The following PUM1 variants were observed in gnomAD, a reference collection of about 807,000 sequenced individuals.
The protein encoded by PUM1 is pumilio homolog 1.
A neutral mutation model predicts 131.8 loss-of-function variants in PUM1; 13 were observed. The observed-to-expected ratio is 0.10, with a 90% confidence interval of 0.06 to 0.16. The LOEUF (loss-of-function observed/expected upper bound fraction) is 0.16, where lower values mean the gene tolerates loss of function less well. Among genes scored for constraint, PUM1 ranks in the 10% least tolerant of loss-of-function variants. The probability of loss-of-function intolerance (pLI) is 1.00; values close to 1 mark genes in which losing one functional copy is unlikely to be tolerated. For missense variants in PUM1, 961 were observed against 1,512.4 expected, an observed-to-expected ratio of 0.64 and a Z score of 6.05; for synonymous variants, 509 against 556.5, an observed-to-expected ratio of 0.91 and a Z score of 1.20.
At chr1:30,940,406 G>A (rs980642859) in intron 20 of PUM1, among the ~76,000 whole-genome samples, 7 of 152,184 alleles carry the variant, frequency 4.6e-5, no homozygotes, top group African/African-American at 1.4e-4. Flanking sequence ...AGCCTGAGAG[G>A]TGGAGCTTGC....
intron 3 of PUM1, among the ~76,000 whole-genome samples, chr1:31,012,201 GT>G (rs1361672557): frequency 1.0e-5 from 1 of 96,464 alleles, no homozygotes. Context: ...TCTAAGAGTT[GT>G]TTTTTTTCCT....
intron 3 of PUM1, among the ~76,000 whole-genome samples, chr1:31,008,489 T>C (rs771400284): frequency 6.6e-6 from 1 of 152,142 alleles, no homozygotes; most frequent in Non-Finnish European, 1.5e-5. Flanking sequence ...CTTCCTGGTG[T>C]ACCACTTATT....
chr1:31,055,970 T>C (rs1644225519), intron 2 of PUM1, among the ~76,000 whole-genome samples: 2 of 152,198 alleles, frequency 1.3e-5, no homozygotes, highest in Admixed American at 1.3e-4. Flanking sequence ...ATGTTTATGA[T>C]TTTTGAATAA....
rs746559654 is a variant in PUM1, at chr1:30,992,406, T to A, written c.1142A>T (p.Tyr381Phe). Residue 381 changes from tyrosine to phenylalanine, a missense_variant, in exon 7 of 22, where the codon TAC becomes TTC. Coordinates refer to ENST00000426105, the MANE Select transcript of PUM1 (RefSeq NM_001020658.2). ...SAAATVGLFD[Y>F]NSQQQLFQRP... ...ACACAGTACCTGTTGTTGAGAATTG[T>A]AGTCAAAAAGTCCCACAGTTGCTGC... 3.1e-6 allele frequency: 5 copies of A among 1,613,972 alleles called. No individual in the cohort carries two copies.
intron 13 of PUM1, 85 bp from the exon 14 acceptor site, chr1:30,964,995 C>A (rs903861266): frequency 1.5e-5 from 17 of 1,158,012 alleles, no homozygotes; most frequent in Non-Finnish European, 1.9e-5. Context: ...ACACTTTGAT[C>A]CAGACTCCTT....
intron 2 of PUM1, among the ~76,000 whole-genome samples, chr1:31,042,544 A>G (rs1643855187): frequency 6.6e-6 from 1 of 152,198 alleles, no homozygotes. Context: ...GAAATGTGTA[A>G]ACCATCTGCT....
chr1:30,936,625 C>T lies in PUM1; in HGVS notation c.3435+18G>A, dbSNP rs1391405560. 1 of 1,602,076 alleles carries T rather than the reference C, an allele frequency of 6.2e-7. No homozygotes were observed. Among genetic ancestry groups the T allele is most frequent in the South Asian group, 1.1e-5 (1 of 89,496 alleles). ...GGCCTTGCACACTTTCTCTGAGACCCTGCCCAGCCCGGCCTACCTTATGCA... is the reference window on the plus strand; with the variant it reads ...GGCCTTGCACACTTTCTCTGAGACCTTGCCCAGCCCGGCCTACCTTATGCA... On this transcript the variant is annotated intron_variant, in intron 21 of 21. Transcript: ENST00000426105.
intron 9 of PUM1, among the ~76,000 whole-genome samples, chr1:30,979,296 A>G (rs1463767721): frequency 6.6e-6 from 1 of 152,222 alleles, no homozygotes; most frequent in African/African-American, 2.4e-5. Flanking sequence ...AAACCAATGC[A>G]GTATCTGCAG....
chr1:31,009,762 T>G, intron 3 of PUM1, among the ~76,000 whole-genome samples: 1 of 15,330 alleles, frequency 6.5e-5, no homozygotes, highest in Non-Finnish European at 1.1e-4. Flanking sequence ...AGCAAGACTC[T>G]GTCTCAAAAA....
intron 7 of PUM1, among the ~76,000 whole-genome samples, chr1:30,982,792 T>C (rs571315003): frequency 2.0e-5 from 3 of 152,322 alleles, no homozygotes; most frequent in African/African-American, 7.2e-5. Flanking sequence ...TAATTTTAGA[T>C]TAAAAGAAAA....
Position 31,054,093 on chromosome 1 carries a change from CAAAAAAAAAAA to C in PUM1, c.363+5100_363+5110del, listed in dbSNP as rs368330168. Reference sequence around the variant, plus strand: ...TGGACTACAGAGCAAGACTTTATTTCAAAAAAAAAAAAAAAAAAAAAAAAAAAGGAGTTTGA... The same window carrying C: ...TGGACTACAGAGCAAGACTTTATTTCAAAAAAAAAAAAAAAAGGAGTTTGA... On this transcript the variant is annotated intron_variant, in intron 2 of 21. Transcript: ENST00000426105. Among the ~76,000 whole-genome samples, 35 of 54,882 alleles carry C rather than the reference CAAAAAAAAAAA, an allele frequency of 6.4e-4. 1 individual carries two copies. Among genetic ancestry groups the C allele is most frequent in the South Asian group, 5.1e-3 (7 of 1,362 alleles). The allele number at this position is 54,882 out of a possible 152,430, so 36.0% of individuals were successfully genotyped here.
chr1:31,054,429 T>C (rs1644187851), intron 2 of PUM1, among the ~76,000 whole-genome samples: 1 of 151,636 alleles, frequency 6.6e-6, no homozygotes, highest in Non-Finnish European at 1.5e-5. Flanking sequence ...CTCCCTCCAA[T>C]GCTACTGGCA....
At chr1:30,950,009 CATA>C in intron 17 of PUM1, 115 bp downstream of exon 17, 1 of 1,183,894 alleles carries the variant, frequency 8.4e-7, no homozygotes, top group Non-Finnish European at 1.2e-6. Context: ...AAAAGGCAGC[CATA>C]AGCAACAATG....
intron 3 of PUM1, among the ~76,000 whole-genome samples, chr1:31,020,846 C>T (rs1461904435): frequency 1.3e-5 from 2 of 152,130 alleles, no homozygotes; most frequent in African/African-American, 4.8e-5. Flanking sequence ...CAATGAGAAC[C>T]ACATCATGCA....
intron 7 of PUM1, among the ~76,000 whole-genome samples, chr1:30,991,104 A>C (rs1418494495): frequency 6.6e-6 from 1 of 152,172 alleles, no homozygotes; most frequent in African/African-American, 2.4e-5. Flanking sequence ...ATTTTTGTTC[A>C]TAAGAAATCT....
At position 31,003,544 on chromosome 1, in the gene PUM1, G is replaced by A. The variant is rs137986370; in HGVS notation, c.720+2309C>T. Among the ~76,000 whole-genome samples, 866 of 152,206 alleles carry A rather than the reference G, an allele frequency of 5.7e-3. 9 individuals carry two copies. Among genetic ancestry groups the A allele is most frequent in the African/African-American group, 0.02 (830 of 41,532 alleles). ...GGCTGAGGTGGGAAGATCACCTGAGGTCAGGAGTTTGAGACCAGCCTGGCC... is the reference window on the plus strand; with the variant it reads ...GGCTGAGGTGGGAAGATCACCTGAGATCAGGAGTTTGAGACCAGCCTGGCC... On this transcript the variant is annotated intron_variant, in intron 5 of 21. Transcript: ENST00000426105.
At chr1:30,981,725 ATATC>A (rs1557569058) in intron 7 of PUM1, among the ~76,000 whole-genome samples, 1 of 152,026 alleles carries the variant, frequency 6.6e-6, no homozygotes. Context: ...CTATATCTAT[ATATC>A]TATCTATATA....
At chr1:30,961,917 T>A (rs7534060) in intron 14 of PUM1, among the ~76,000 whole-genome samples, 43,302 of 152,120 alleles carry the variant, frequency 0.28, 6,645 homozygotes, top group Non-Finnish European at 0.34. Context: ...GTGGCAGCAG[T>A]GAAGTAGTAT....
At chr1:30,958,685 G>A (rs1246356896) in intron 14 of PUM1, among the ~76,000 whole-genome samples, 2 of 152,170 alleles carry the variant, frequency 1.3e-5, no homozygotes, top group African/African-American at 2.4e-5. Context: ...GAGATGGGAA[G>A]TAGAATTTAC....
Sources: gnomAD v4.1 joint callset for allele counts (sites outside exome capture counted in the v4.1 genomes callset) on GRCh38, gnomAD v4.1.1 for gene constraint, MANE v1.5 for transcripts, NCBI Gene and HGNC (gene_info 2026-07-23, HGNC 2026-07-21) for gene names.